Variants in STPG1 observed in about 807,000 individuals in gnomAD.
STPG1 encodes the protein O(6)-methylguanine-induced apoptosis 2.
Under a neutral mutation model 40.1 loss-of-function variants are expected in STPG1, and 33 were observed. The observed-to-expected ratio is 0.82, with a 90% CI of 0.62 to 1.10. STPG1 has a LOEUF of 1.10. STPG1 is among the 50% of genes least tolerant of loss of function. STPG1 has a pLI of 0.00. For missense variants in STPG1, 396 were observed against 415.1 expected (o/e 0.95, Z 0.40); for synonymous variants, 150 against 155.0 (o/e 0.97, Z 0.24).
chr1:24,364,095 A>C, intron 7 of STPG1: 1 of 1,442,522 alleles, frequency 6.9e-7, no homozygotes. Flanking sequence ...CAGCAACTCC[A>C]TGCCTTTGTC....
chr1:24,364,372 C>G (rs1459625660), intron 7 of STPG1: 14 of 1,537,448 alleles, frequency 9.1e-6, no homozygotes, highest in Non-Finnish European at 1.2e-5. Context: ...CTCGGAATGA[C>G]ACACCCACCT....
chr1:24,375,537 G>A (rs867763469), intron 5 of STPG1, among the ~76,000 whole-genome samples: 3 of 152,120 alleles, frequency 2.0e-5, no homozygotes, highest in Non-Finnish European at 2.9e-5. Flanking sequence ...TACTGGACAC[G>A]GAGAGTTGGG....
rs184079129 is a variant in STPG1 at position 24,379,331 on chromosome 1, T to C, written c.462+322A>G. The C allele has an allele frequency of 2.2e-5, 5 of 231,604 alleles. No individual in the cohort carries two copies. In the East Asian group the frequency reaches 3.9e-4, roughly 18 times the overall value. 14.3% of individuals were successfully genotyped at this position (231,604 alleles called of 1,614,324 possible). On this transcript the variant is annotated intron_variant, in intron 5 of 8. Coordinates refer to ENST00000337248, the MANE Select transcript of STPG1 (RefSeq NM_001199013.2). ...TCATTAGTGGCTGCAGACAAAGTGG[T>C]AAATAATACACCCATTGTTACAGAT...
At chr1:24,401,959 TTACAGGTGTGAGCCACC>T in intron 1 of STPG1, among the ~76,000 whole-genome samples, 1 of 152,320 alleles carries the variant, frequency 6.6e-6, no homozygotes, top group South Asian at 2.1e-4. Context: ...AGTGCTAGGA[TTACAGGTGTGAGCCACC>T]ATGCCTGGCC....
chr1:24,404,446 CAT>C (rs904946881), intron 1 of STPG1, among the ~76,000 whole-genome samples: 4 of 152,152 alleles, frequency 2.6e-5, no homozygotes, highest in African/African-American at 4.8e-5. Context: ...TGCTTCATCA[CAT>C]GAGTTGGAAG....
chr1:24,367,129 G>A lies in STPG1; in HGVS notation c.737+2545C>T, dbSNP rs752344485. 2.1e-4 allele frequency among the ~76,000 whole-genome samples: 32 copies of A among 152,226 alleles called. No individual in the cohort carries two copies. In the Middle Eastern group the frequency reaches 0.014, roughly 65 times the overall value. On this transcript the variant is annotated intron_variant, in intron 7 of 8. Transcript: ENST00000337248. ...ATACACCCCTGGGGCCACCTAACCC[G>A]GCATTTTGCTGCAGGCTCCTCCACC...
chr1:24,379,061 A>G lies in STPG1; in HGVS notation c.462+592T>C, dbSNP rs186909663. ...TAACACGATGAGGTGAACATACATCACCATTTTACAGATCAGTAAACTAAG... is the reference window on the plus strand; with the variant it reads ...TAACACGATGAGGTGAACATACATCGCCATTTTACAGATCAGTAAACTAAG... On this transcript the variant is annotated intron_variant, in intron 5 of 8. Transcript: ENST00000337248. Among the ~76,000 whole-genome samples the G allele has an allele frequency of 9.4e-4, 143 of 152,324 alleles. 2 individuals are homozygous for G. In the South Asian group the frequency reaches 0.016, roughly 17 times the overall value.
Position 24,383,915 on chromosome 1 carries a change from A to G in STPG1, c.278T>C (p.Met93Thr), listed in dbSNP as rs11538189. The change falls in exon 4 of 9, where the codon ATG becomes ACG. Residue 93 changes from methionine (M) to threonine (T), a missense_variant. Coordinates refer to ENST00000337248, the MANE Select transcript of STPG1 (RefSeq NM_001199013.2). ...AGTGGTTCTCACCATTGAGGGAAAC[A>G]TGCAAGTTCCTTTCTTGGACAATGA... The part of the protein sequence containing the change: ...SVSLSKKGTC[M>T]FPSMCARLDT... 194,087 of 1,609,754 alleles carry G rather than the reference A, an allele frequency of 0.12. 13,092 individuals are homozygous for G. Among genetic ancestry groups the G allele is most frequent in the African/African-American group, 0.22 (16,275 of 74,888 alleles).
intron 3 of STPG1, among the ~76,000 whole-genome samples, chr1:24,391,000 G>A (rs1413577769): frequency 6.6e-6 from 1 of 151,766 alleles, no homozygotes; most frequent in Non-Finnish European, 1.5e-5. Flanking sequence ...TTCTTTTCTT[G>A]TAGAGATTGG....
chr1:24,391,872 G>A (rs1339976810), intron 2 of STPG1, 193 bp from the exon 3 acceptor site: 8 of 1,319,558 alleles, frequency 6.1e-6, no homozygotes, highest in Admixed American at 3.7e-5. Context: ...GCAATTTATC[G>A]GACTTCCCCC....
At chr1:24,392,180 G>A (rs1010226800) in intron 2 of STPG1, 3 of 648,968 alleles carry the variant, frequency 4.6e-6, no homozygotes, top group African/African-American at 3.9e-5. Flanking sequence ...GTAAGTTTTC[G>A]TTTCTGTTTT....
intron 2 of STPG1, among the ~76,000 whole-genome samples, chr1:24,397,539 A>G (rs1305011812): frequency 2.0e-5 from 3 of 152,014 alleles, no homozygotes; most frequent in Non-Finnish European, 4.4e-5. Flanking sequence ...GAAAAATTTT[A>G]GCGAATCAAA....
intron 6 of STPG1, among the ~76,000 whole-genome samples, chr1:24,372,350 G>A (rs565318414): frequency 2.6e-5 from 4 of 152,280 alleles, no homozygotes; most frequent in African/African-American, 9.6e-5. Flanking sequence ...TGGGGCTTTG[G>A]AGCATTCAGT....
intron 2 of STPG1, among the ~76,000 whole-genome samples, chr1:24,397,732 T>C (rs1347861015): frequency 1.3e-5 from 2 of 151,864 alleles, no homozygotes; most frequent in Non-Finnish European, 2.9e-5. Context: ...CTGGCTTCTT[T>C]CACTCAGCAT....
At chr1:24,410,385 C>G (rs1271242711) in intron 1 of STPG1, among the ~76,000 whole-genome samples, 4 of 152,146 alleles carry the variant, frequency 2.6e-5, no homozygotes, top group Non-Finnish European at 5.9e-5. Context: ...CCGAGGTGGG[C>G]GGATCATGAG....
At chr1:24,360,176 G>A (rs777396254) in intron 8 of STPG1, among the ~76,000 whole-genome samples, 2 of 152,194 alleles carry the variant, frequency 1.3e-5, no homozygotes, top group Admixed American at 6.5e-5. Flanking sequence ...TGGGCACAGT[G>A]GCTCACGCCT....
chr1:24,399,540 T>G lies in STPG1; in HGVS notation c.70+1779A>C, dbSNP rs1643134990. On this transcript the variant is annotated intron_variant, in intron 2 of 8. Coordinates refer to ENST00000337248, the MANE Select transcript of STPG1 (RefSeq NM_001199013.2). This position sits in a 1 kb window ranked among gnomAD's most constrained non-coding sequence, Gnocchi z 4.0. Reference sequence around the variant, plus strand: ...ACTAAACATAAAGAGACTGATAAATTGGGCTATATTAAAATCAAGAGTTTC... The same window carrying G: ...ACTAAACATAAAGAGACTGATAAATGGGGCTATATTAAAATCAAGAGTTTC... Among the ~76,000 whole-genome samples the G allele has an allele frequency of 6.6e-6, 1 of 152,098 alleles. No individual in the cohort carries two copies. The highest frequency in any genetic ancestry group is 1.5e-5 in the Non-Finnish European group (1 of 68,002).
intron 3 of STPG1, among the ~76,000 whole-genome samples, chr1:24,389,726 C>A (rs1244450186): frequency 6.6e-6 from 1 of 151,896 alleles, no homozygotes; most frequent in African/African-American, 2.4e-5. Flanking sequence ...TGGAGAGGGA[C>A]AATATATTAT....
chr1:24,375,938 A>G (rs1402681578), intron 5 of STPG1, among the ~76,000 whole-genome samples: 1 of 152,248 alleles, frequency 6.6e-6, no homozygotes, highest in African/African-American at 2.4e-5. Context: ...ATCTAAGAAG[A>G]AAATGCATGT....
Sources: allele counts gnomAD v4.1 joint callset (sites outside exome capture counted in the v4.1 genomes callset), GRCh38; gene constraint gnomAD v4.1.1; non-coding constraint Gnocchi (gnomAD v3.1); transcripts MANE v1.5; gene names NCBI Gene and HGNC (gene_info 2026-07-23, HGNC 2026-07-21).